HTR2C: variants seen among roughly 807,000 people sequenced by gnomAD.
HTR2C encodes the protein 5-hydroxytryptamine (serotonin) receptor 2C, G protein-coupled.
A neutral mutation model predicts 21.0 loss-of-function variants in HTR2C; 5 were observed. The ratio of observed to expected loss-of-function variants is 0.24; its 90% confidence interval spans 0.12 to 0.50. HTR2C has a LOEUF of 0.50. HTR2C is among the 20% of genes least tolerant of loss of function. The probability of loss-of-function intolerance (pLI) is 0.98; values close to 1 mark genes in which losing one functional copy is unlikely to be tolerated. For missense variants in HTR2C, 271 were observed against 371.2 expected (o/e 0.73, Z 2.22); for synonymous variants, 150 against 145.3 (o/e 1.03, Z -0.23).
At chrX:114,835,965 G>A (rs868983823) in intron 4 of HTR2C, among the ~76,000 whole-genome samples, 60 of 108,108 alleles carry the variant, frequency 5.6e-4, no homozygotes, top group African/African-American at 1.1e-3. Context: ...ATACCCTGCC[G>A]TGTGAGGTGT....
chrX:114,689,207 C>CAT (rs1556414745), intron 2 of HTR2C, among the ~76,000 whole-genome samples: 2 of 10,152 alleles, frequency 2.0e-4, no homozygotes, highest in South Asian at 4.5e-3. Flanking sequence ...GGTATGTATG[C>CAT]GTATATATAT....
chrX:114,722,726 GA>G (rs1481299596), intron 2 of HTR2C, among the ~76,000 whole-genome samples: 8 of 106,917 alleles, frequency 7.5e-5, no homozygotes, highest in East Asian at 2.9e-4. Flanking sequence ...TAGCATGAAG[GA>G]TTGTTGAATT....
chrX:114,598,272 C>T (rs1336392227), intron 1 of HTR2C, among the ~76,000 whole-genome samples: 2 of 111,913 alleles, frequency 1.8e-5, no homozygotes, highest in Admixed American at 9.5e-5. Flanking sequence ...GCCATTTTCA[C>T]TATCACCTAA....
intron 5 of HTR2C, among the ~76,000 whole-genome samples, chrX:114,882,349 A>T (rs781821268): frequency 1.8e-5 from 2 of 110,283 alleles, no homozygotes; most frequent in African/African-American, 6.5e-5. Context: ...TTTGTTGCTT[A>T]ATTTCCCTCT....
chrX:114,748,358 T>G (rs376343056), intron 4 of HTR2C, among the ~76,000 whole-genome samples: 4 of 111,657 alleles, frequency 3.6e-5, no homozygotes, highest in African/African-American at 1.3e-4. Context: ...ATCTGTAGAT[T>G]CAACACAATT....
chrX:114,719,992 A>T (rs1353540466), intron 2 of HTR2C, among the ~76,000 whole-genome samples: 1 of 111,938 alleles, frequency 8.9e-6, no homozygotes, highest in African/African-American at 3.2e-5. Context: ...ATTGAAAATC[A>T]TTTTAATACT....
intron 4 of HTR2C, among the ~76,000 whole-genome samples, chrX:114,847,056 G>A (rs782655486): frequency 1.1e-4 from 12 of 111,086 alleles, no homozygotes; most frequent in African/African-American, 3.9e-4. Context: ...ATTGATAACA[G>A]CATCAGCCAC....
chrX:114,837,698 CAA>C (rs11339786), intron 4 of HTR2C, among the ~76,000 whole-genome samples: 32 of 102,651 alleles, frequency 3.1e-4, no homozygotes, highest in South Asian at 4.4e-4. Flanking sequence ...GTCCTACAGT[CAA>C]AAAAAAAAAA....
intron 4 of HTR2C, among the ~76,000 whole-genome samples, chrX:114,802,901 T>G (rs2070364389): frequency 1.8e-5 from 1 of 56,532 alleles, no homozygotes; most frequent in Non-Finnish European, 3.0e-5. Flanking sequence ...CCCACAACAG[T>G]CCCCAGAGTG....
Position 114,644,969 on chromosome X carries a change from C to G in HTR2C, c.-80+31088C>G, listed in dbSNP as rs781976463. On this transcript the variant is annotated intron_variant, in intron 2 of 5. Coordinates refer to ENST00000276198, the MANE Select transcript of HTR2C (RefSeq NM_000868.4). ...TCAAAAAATCACCAAAGTGCATTCT[C>G]TATAAAAAGCAGGTGGAGAGAAAGG... Among the ~76,000 whole-genome samples, 3 of 110,457 alleles carry G rather than the reference C, an allele frequency of 2.7e-5. No individual in the cohort carries two copies. The East Asian group carries it at 8.6e-4, about 31-fold the overall frequency.
intron 2 of HTR2C, among the ~76,000 whole-genome samples, chrX:114,644,380 T>A (rs1305868385): frequency 0.076 from 5,228 of 68,496 alleles, 248 homozygotes; most frequent in Non-Finnish European, 0.12. Context: ...TATATATATA[T>A]ATATATATAT....
intron 4 of HTR2C, among the ~76,000 whole-genome samples, chrX:114,791,887 TA>T (rs1422608412): frequency 2.7e-5 from 3 of 111,477 alleles, no homozygotes; most frequent in Non-Finnish European, 5.7e-5. Context: ...TTCCCATACG[TA>T]AACTTGATGC....
chrX:114,884,297 T>A (rs2071204049), intron 5 of HTR2C, among the ~76,000 whole-genome samples: 1 of 111,009 alleles, frequency 9.0e-6, no homozygotes, highest in African/African-American at 3.3e-5. Context: ...TATGCAGTAG[T>A]AGGATTGCTG....
intron 4 of HTR2C, among the ~76,000 whole-genome samples, chrX:114,748,216 C>T (rs782748866): frequency 4.5e-5 from 5 of 111,501 alleles, no homozygotes; most frequent in Admixed American, 9.6e-5. Flanking sequence ...AAATTATGTG[C>T]AGGAGCTGTA....
Position 114,909,300 on chromosome X carries a change from A to G in HTR2C, c.*1885A>G, listed in dbSNP as rs2071397945. 8.9e-6 allele frequency: 1 copy of G among 112,843 alleles called. No homozygotes were observed. Among genetic ancestry groups the G allele is most frequent in the Non-Finnish European group, 1.9e-5 (1 of 53,343 alleles). 9.3% of individuals were successfully genotyped at this position (112,843 alleles called of 1,213,427 possible). A position where few individuals can be genotyped will look rare whatever the true frequency, so the allele number is the denominator to read the frequency against. On this transcript the variant is annotated 3_prime_UTR_variant, in exon 6 of 6. Transcript: ENST00000276198. ...ATTCTTACCGAAATGAAAATGGCTGAAGAAACACAGCATGCATTTAGCATG... is the reference window on the plus strand; with the variant it reads ...ATTCTTACCGAAATGAAAATGGCTGGAGAAACACAGCATGCATTTAGCATG...
At chrX:114,728,980 C>T (rs782810535) in intron 3 of HTR2C, among the ~76,000 whole-genome samples, 20 of 111,997 alleles carry the variant, frequency 1.8e-4, no homozygotes, top group Admixed American at 2.9e-4. Flanking sequence ...CAACTGAAGA[C>T]GCAGTTTAGT....
intron 4 of HTR2C, among the ~76,000 whole-genome samples, chrX:114,770,803 C>CTTTTTTT (rs377420309): frequency 2.5e-5 from 2 of 80,736 alleles, no homozygotes; most frequent in Non-Finnish European, 4.5e-5. Flanking sequence ...TTCTTTCTTC[C>CTTTTTTT]TTTTTTTTTT....
At chrX:114,779,780 G>C (rs2070097540) in intron 4 of HTR2C, among the ~76,000 whole-genome samples, 3 of 111,865 alleles carry the variant, frequency 2.7e-5, no homozygotes, top group African/African-American at 9.7e-5. Flanking sequence ...TAGGAGGATT[G>C]GAGACATTGG....
At chrX:114,745,714 C>T (rs1057341307) in intron 4 of HTR2C, among the ~76,000 whole-genome samples, 1 of 111,519 alleles carries the variant, frequency 9.0e-6, no homozygotes, top group African/African-American at 3.3e-5. Flanking sequence ...GGAAGACAAA[C>T]GTCAGATGTT....
Sources: allele counts gnomAD v4.1 joint callset (sites outside exome capture counted in the v4.1 genomes callset), GRCh38; gene constraint gnomAD v4.1.1; transcripts MANE v1.5; gene names NCBI Gene and HGNC (gene_info 2026-07-23, HGNC 2026-07-21).